Variants in CNTN4 observed in about 807,000 individuals in gnomAD.
CNTN4 encodes contactin 4.
A neutral mutation model predicts 122.5 loss-of-function variants in CNTN4; 77 were observed. That is an observed-to-expected ratio of 0.63 (90% CI 0.52 to 0.76). The LOEUF (loss-of-function observed/expected upper bound fraction) is 0.76, where lower values mean the gene tolerates loss of function less well. CNTN4 is among the 30% of genes least tolerant of loss of function. The pLI is 0.00. For synonymous variants in CNTN4, 512 were observed against 447.0 expected (o/e 1.15, Z -1.83); for missense variants, 1,256 against 1,259.1 (o/e 1.00, Z 0.04).
chr3:2,466,981 T>C (rs2151474123), intron 3 of CNTN4, among the ~76,000 whole-genome samples: 1 of 148,918 alleles, frequency 6.7e-6, no homozygotes, highest in Admixed American at 6.7e-5. Context: ...TTTTTTTTTT[T>C]TTTTTTGCAT....
At chr3:2,399,831 A>C (rs1188596876) in intron 3 of CNTN4, among the ~76,000 whole-genome samples, 1 of 152,116 alleles carries the variant, frequency 6.6e-6, no homozygotes, top group Non-Finnish European at 1.5e-5. Flanking sequence ...ATATCAATGA[A>C]GAGTGAAAAT....
chr3:2,319,845 T>C lies in CNTN4; in HGVS notation c.-144-19333T>C, dbSNP rs559364323. ...AACTGTATATTCTTTTTGGTGTATA[T>C]AGAGACCCTGTAAAAGAGAATTAAA... On this transcript the variant is annotated intron_variant, in intron 2 of 24. Coordinates refer to ENST00000418658, the MANE Select transcript of CNTN4 (RefSeq NM_175607.3). 1.1e-3 allele frequency among the ~76,000 whole-genome samples: 162 copies of C among 152,314 alleles called. 1 individual carries two copies. The highest frequency in any genetic ancestry group is 3.8e-3 in the African/African-American group (159 of 41,564).
intron 4 of CNTN4, among the ~76,000 whole-genome samples, chr3:2,624,089 A>G (rs906145645): frequency 3.3e-5 from 5 of 152,204 alleles, no homozygotes; most frequent in East Asian, 3.8e-4. Flanking sequence ...TTGAAATTTC[A>G]GTAGCTATTA....
At chr3:2,840,561 C>T (rs7618374) in intron 7 of CNTN4, among the ~76,000 whole-genome samples, 4,453 of 15,422 alleles carry the variant, frequency 0.29, 1,739 homozygotes, top group South Asian at 0.44. Flanking sequence ...TAGCCGGGCG[C>T]GGTGATGGGC....
intron 3 of CNTN4, among the ~76,000 whole-genome samples, chr3:2,566,667 A>G (rs943227387): frequency 1.3e-5 from 2 of 152,348 alleles, no homozygotes; most frequent in South Asian, 2.1e-4. Context: ...GCTCACATAC[A>G]AAACAAGCCA....
chr3:2,837,110 T>C (rs1310183695), intron 7 of CNTN4, among the ~76,000 whole-genome samples: 1 of 152,158 alleles, frequency 6.6e-6, no homozygotes, highest in East Asian at 1.9e-4. Context: ...GTTAAAAGAA[T>C]GGTTTCTATG....
At chr3:2,274,477 T>C (rs2041423753) in intron 2 of CNTN4, among the ~76,000 whole-genome samples, 1 of 151,784 alleles carries the variant, frequency 6.6e-6, no homozygotes, top group African/African-American at 2.4e-5. Flanking sequence ...TCTATGTTTG[T>C]TTTCTTTTCA....
intron 5 of CNTN4, among the ~76,000 whole-genome samples, chr3:2,742,872 T>C (rs2149532854): frequency 6.6e-6 from 1 of 152,304 alleles, no homozygotes; most frequent in East Asian, 1.9e-4. Context: ...CAATCCACAT[T>C]CAATTGGAAT....
rs1559843095 is a variant in CNTN4 at position 3,053,945 on chromosome 3, A to G, written c.2950A>G (p.Ser984Gly). ...PFSDGGDGSS[S>G]EQIRIPKISN... ...CAGCGACGGAGGAGATGGCAGCAGC[A>G]GTGAACAAATTCGAATTCCAAAGAT... is the stretch of plus-strand genomic sequence containing the variant. Residue 984 changes from serine (S) to glycine (G), a missense_variant, in exon 24 of 25, where the codon AGT (serine) becomes GGT (glycine). Coordinates refer to ENST00000418658, the MANE Select transcript of CNTN4 (RefSeq NM_175607.3). 1 of 1,614,254 alleles carries G rather than the reference A, an allele frequency of 6.2e-7. No homozygotes were observed. The highest frequency in any genetic ancestry group is 1.7e-5 in the Admixed American group (1 of 60,036).
chr3:2,903,853 C>A (rs1401441195), intron 12 of CNTN4, among the ~76,000 whole-genome samples: 1 of 151,988 alleles, frequency 6.6e-6, no homozygotes, highest in Non-Finnish European at 1.5e-5. Flanking sequence ...GGACTTAATA[C>A]AGTATTGAAG....
chr3:2,157,944 A>G (rs2035793817), intron 2 of CNTN4, among the ~76,000 whole-genome samples: 1 of 152,232 alleles, frequency 6.6e-6, no homozygotes, highest in African/African-American at 2.4e-5. Context: ...AAAACCAATT[A>G]AAGGAACCCC....
intron 4 of CNTN4, among the ~76,000 whole-genome samples, chr3:2,703,265 A>G (rs1328736887): frequency 6.6e-6 from 1 of 152,198 alleles, no homozygotes; most frequent in African/African-American, 2.4e-5. Flanking sequence ...GATTGAATGA[A>G]TGAGTACATA....
rs1169152223 is a variant in CNTN4, at chr3:2,274,439, G to C, written c.-144-64739G>C. Among the ~76,000 whole-genome samples, 3 of 151,858 alleles carry C rather than the reference G, an allele frequency of 2.0e-5. No individual in the cohort carries two copies. The East Asian group carries it at 5.8e-4, about 29-fold the overall frequency. ...CCAGGAATCATTCTAGACATTATTT[G>C]TTTCTCAAATCTGTAATTGTTTTAG... On this transcript the variant is annotated intron_variant, in intron 2 of 24. Coordinates refer to ENST00000418658, the MANE Select transcript of CNTN4 (RefSeq NM_175607.3).
intron 3 of CNTN4, among the ~76,000 whole-genome samples, chr3:2,340,737 A>AGAGAGAGG (rs1168402469): frequency 6.8e-5 from 9 of 133,172 alleles, no homozygotes; most frequent in African/African-American, 2.4e-4. Context: ...AGAGAGAGAG[A>AGAGAGAGG]GAGTCAGAAA....
intron 2 of CNTN4, among the ~76,000 whole-genome samples, chr3:2,198,607 A>G (rs966691079): frequency 1.1e-4 from 16 of 152,334 alleles, no homozygotes; most frequent in African/African-American, 9.6e-5. Flanking sequence ...AATTAGCATA[A>G]AATCAGTCAA....
At chr3:2,190,364 A>T (rs958338651) in intron 2 of CNTN4, among the ~76,000 whole-genome samples, 9 of 151,824 alleles carry the variant, frequency 5.9e-5, no homozygotes, top group Non-Finnish European at 2.9e-5. Context: ...TAAAAAAAGA[A>T]TTTTTCTAGA....
At chr3:2,102,005 G>C (rs1432409870) in intron 2 of CNTN4, among the ~76,000 whole-genome samples, 1 of 152,164 alleles carries the variant, frequency 6.6e-6, no homozygotes, top group Non-Finnish European at 1.5e-5. Flanking sequence ...AATAGATTAA[G>C]CACACTTGTT....
intron 4 of CNTN4, among the ~76,000 whole-genome samples, chr3:2,680,865 G>A (rs533547688): frequency 1.4e-4 from 21 of 152,216 alleles, no homozygotes; most frequent in Admixed American, 3.3e-4. Context: ...CTCTTTGGTG[G>A]TAGATTGACA....
chr3:2,303,368 C>A (rs542195771), intron 2 of CNTN4, among the ~76,000 whole-genome samples: 2 of 152,036 alleles, frequency 1.3e-5, no homozygotes, highest in African/African-American at 4.8e-5. Context: ...ACTCGTTTCC[C>A]CTATTCACTC....
Sources: allele counts gnomAD v4.1 joint callset (sites outside exome capture counted in the v4.1 genomes callset), GRCh38; gene constraint gnomAD v4.1.1; transcripts MANE v1.5; gene names NCBI Gene and HGNC (gene_info 2026-07-23, HGNC 2026-07-21).